Variants in CNTN4 observed in about 807,000 individuals in gnomAD.
CNTN4 encodes the protein contactin-4.
Under a neutral mutation model 122.5 loss-of-function variants are expected in CNTN4, and 77 were observed. The ratio of observed to expected loss-of-function variants is 0.63; its 90% CI spans 0.52 to 0.76. CNTN4 has a LOEUF of 0.76. CNTN4 is among the 30% of genes least tolerant of loss of function. The pLI, the probability that CNTN4 is intolerant of heterozygous loss-of-function variation, is 0.00. For missense variants in CNTN4, 1,256 were observed against 1,259.1 expected, an observed-to-expected ratio of 1.00 and a Z score of 0.04; for synonymous variants, 512 against 447.0, an observed-to-expected ratio of 1.15 and a Z score of -1.83.
At chr3:2,227,437 C>T (rs2039330189) in intron 2 of CNTN4, among the ~76,000 whole-genome samples, 1 of 152,116 alleles carries the variant, frequency 6.6e-6, no homozygotes, top group African/African-American at 2.4e-5. Flanking sequence ...AGTTAGTGTC[C>T]TTTTTCATTT....
intron 2 of CNTN4, among the ~76,000 whole-genome samples, chr3:2,256,760 C>A (rs1035624514): frequency 6.6e-6 from 1 of 152,126 alleles, no homozygotes; most frequent in Non-Finnish European, 1.5e-5. Flanking sequence ...TCAAGGAGAA[C>A]TACAAACCAC....
chr3:3,000,515 C>T (rs1333190396), intron 14 of CNTN4, among the ~76,000 whole-genome samples: 8 of 152,294 alleles, frequency 5.3e-5, no homozygotes, highest in Middle Eastern at 3.4e-3. Flanking sequence ...ATATTACTTA[C>T]GTTTGATAAA....
chr3:2,188,336 G>A (rs909427060), intron 2 of CNTN4, among the ~76,000 whole-genome samples: 1 of 152,102 alleles, frequency 6.6e-6, no homozygotes, highest in African/African-American at 2.4e-5. Flanking sequence ...CTCTTGTTCT[G>A]TGAGTCCATG....
intron 4 of CNTN4, among the ~76,000 whole-genome samples, chr3:2,593,507 T>C (rs925019115): frequency 1.3e-5 from 2 of 152,196 alleles, no homozygotes; most frequent in Non-Finnish European, 2.9e-5. Flanking sequence ...GCCTCTGAAA[T>C]GATCAAGTAA....
At chr3:2,672,318 C>G (rs144135848) in intron 4 of CNTN4, among the ~76,000 whole-genome samples, 1 of 152,186 alleles carries the variant, frequency 6.6e-6, no homozygotes. Context: ...CAATGGTGGG[C>G]GCCCCTCCCC....
chr3:2,276,634 G>T (rs2041521199), intron 2 of CNTN4, among the ~76,000 whole-genome samples: 1 of 152,072 alleles, frequency 6.6e-6, no homozygotes. Context: ...TAACACACTG[G>T]TTACTTTCTA....
intron 2 of CNTN4, among the ~76,000 whole-genome samples, chr3:2,289,622 A>G (rs1443094095): frequency 6.6e-6 from 1 of 152,174 alleles, no homozygotes; most frequent in Non-Finnish European, 1.5e-5. Context: ...CTGTCCCTTC[A>G]AATCAACTTG....
chr3:2,583,242 C>T (rs1022880487), intron 4 of CNTN4, among the ~76,000 whole-genome samples: 3 of 152,216 alleles, frequency 2.0e-5, no homozygotes, highest in Non-Finnish European at 4.4e-5. Flanking sequence ...GACATAACAA[C>T]TCATTGCAGC....
intron 2 of CNTN4, among the ~76,000 whole-genome samples, chr3:2,195,026 C>T (rs574100945): frequency 1.3e-5 from 2 of 152,068 alleles, no homozygotes; most frequent in Non-Finnish European, 2.9e-5. Context: ...ATTCTTCCTC[C>T]AGTCTATCTG....
chr3:3,038,708 G>A (rs1206445703), intron 18 of CNTN4, among the ~76,000 whole-genome samples: 1 of 152,224 alleles, frequency 6.6e-6, no homozygotes, highest in African/African-American at 2.4e-5. Flanking sequence ...TAACACGTGT[G>A]CCTTGTTGAA....
At chr3:2,475,141 TTTG>T (rs2075801381) in intron 3 of CNTN4, among the ~76,000 whole-genome samples, 3 of 152,234 alleles carry the variant, frequency 2.0e-5, no homozygotes, top group Admixed American at 2.0e-4. Context: ...TTTTAAATTC[TTTG>T]TTAATTTGAC....
chr3:2,565,184 T>C (rs1326281358), intron 3 of CNTN4, among the ~76,000 whole-genome samples: 6 of 152,168 alleles, frequency 3.9e-5, no homozygotes, highest in African/African-American at 1.4e-4. Flanking sequence ...TCTTGTTTAA[T>C]AGATGTAGCT....
At chr3:2,858,810 A>G (rs1349044718) in intron 7 of CNTN4, among the ~76,000 whole-genome samples, 1 of 152,208 alleles carries the variant, frequency 6.6e-6, no homozygotes, top group Non-Finnish European at 1.5e-5. Context: ...AACATTGCAT[A>G]TATTTATGGC....
rs574477562 is a variant in CNTN4 at position 2,586,759 on chromosome 3, T to A, written c.55+15201T>A. Among the ~76,000 whole-genome samples the A allele has an allele frequency of 1.3e-3, 191 of 150,344 alleles. 1 individual carries two copies. Among genetic ancestry groups the A allele is most frequent in the African/African-American group, 4.6e-3 (186 of 40,800 alleles). ...AAACTGTGTAGATGTCATTTCCCAT[T>A]GCTTTATTTCTGTAACTGCAACCAC... On this transcript the variant is annotated intron_variant, in intron 4 of 24. Transcript: ENST00000418658.
rs189904200 is a variant in CNTN4, at chr3:2,231,438, A to G, written c.-144-107740A>G. ...TGTTTAAATGTAAATGTCTTTTTATATTTTTAACCTAACTGGCTATTCATC... is the reference window on the plus strand; with the variant it reads ...TGTTTAAATGTAAATGTCTTTTTATGTTTTTAACCTAACTGGCTATTCATC... On this transcript the variant is annotated intron_variant, in intron 2 of 24. Transcript: ENST00000418658. 2.4e-4 allele frequency among the ~76,000 whole-genome samples: 37 copies of G among 152,296 alleles called. No individual in the cohort carries two copies. The East Asian group carries it at 2.9e-3, about 12-fold the overall frequency.
intron 3 of CNTN4, among the ~76,000 whole-genome samples, chr3:2,349,068 T>G (rs2044510322): frequency 6.6e-6 from 1 of 152,224 alleles, no homozygotes; most frequent in African/African-American, 2.4e-5. Flanking sequence ...AGCTGAAGTC[T>G]TTTAAAATTT....
intron 14 of CNTN4, among the ~76,000 whole-genome samples, chr3:3,022,670 A>G (rs745623097): frequency 3.9e-5 from 6 of 152,200 alleles, no homozygotes; most frequent in Non-Finnish European, 7.3e-5. Context: ...AGAACAAAGC[A>G]GTTAGTTTGC....
intron 20 of CNTN4, among the ~76,000 whole-genome samples, chr3:3,040,538 A>G (rs1445162504): frequency 6.6e-6 from 1 of 152,244 alleles, no homozygotes; most frequent in Non-Finnish European, 1.5e-5. Context: ...TAAGATCTTC[A>G]TATCTATCTA....
intron 23 of CNTN4, among the ~76,000 whole-genome samples, chr3:3,053,032 A>G (rs563280383): frequency 6.6e-6 from 1 of 152,152 alleles, no homozygotes; most frequent in East Asian, 1.9e-4. Context: ...ACCTTGTGCA[A>G]TCTTTTGTAT....
Sources: gnomAD v4.1 joint callset for allele counts (sites outside exome capture counted in the v4.1 genomes callset) on GRCh38, gnomAD v4.1.1 for gene constraint, MANE v1.5 for transcripts, NCBI Gene and HGNC (gene_info 2026-07-23, HGNC 2026-07-21) for gene names.